NLRP7: variants seen among roughly 807,000 people sequenced by gnomAD.
The protein encoded by NLRP7 is NLR family pyrin domain containing 7.
NLRP7 carries 72 observed loss-of-function variants against 85.5 expected under a neutral mutation model. The observed-to-expected ratio is 0.84, with a 90% CI of 0.70 to 1.02. NLRP7 has a LOEUF of 1.02. NLRP7 is among the 50% of genes least tolerant of loss of function. The pLI is 0.00. For synonymous variants in NLRP7, 550 were observed against 505.2 expected, an observed-to-expected ratio of 1.09 and a Z score of -1.19; for missense variants, 1,243 against 1,219.5, an observed-to-expected ratio of 1.02 and a Z score of -0.29.
At chr19:54,955,968 AAAAT>A (rs138037990) in intron 1 of NLRP7, among the ~76,000 whole-genome samples, 5,235 of 151,746 alleles carry the variant, frequency 0.034, 288 homozygotes, top group African/African-American at 0.12. Context: ...CTGTGTCTCA[AAAAT>A]AAATAAATAA....
chr19:54,943,425 C>T (rs2069322769), intron 1 of NLRP7, among the ~76,000 whole-genome samples: 1 of 152,042 alleles, frequency 6.6e-6, no homozygotes, highest in South Asian at 2.1e-4. Context: ...CACGGTGAAA[C>T]CCCGTCTCTA....
chr19:54,939,262 T>C lies in NLRP7; in HGVS notation c.1557A>G (p.Gly519=), dbSNP rs772821750. 4 of 1,614,044 alleles carry C rather than the reference T, an allele frequency of 2.5e-6. No individual in the cohort carries two copies. The South Asian group carries it at 3.3e-5, about 13-fold the overall frequency. ...CGTTAGCGAGGCCGAATAAGAAGTG[T>C]CCTACTTGAATCAGGTCGGGGTTCT... The change falls in exon 4 of 10, where the codon GGA becomes GGG. Residue 519 remains glycine, a synonymous_variant. Coordinates refer to ENST00000340844, the Ensembl canonical transcript of NLRP7.
chr19:54,943,795 TAA>T (rs1491221665), intron 1 of NLRP7, among the ~76,000 whole-genome samples: 1 of 152,066 alleles, frequency 6.6e-6, no homozygotes, highest in Non-Finnish European at 1.5e-5. Context: ...GAAATAGACA[TAA>T]GAGACTCCAT....
intron 1 of NLRP7, among the ~76,000 whole-genome samples, chr19:54,942,284 A>T (rs1446430555): frequency 6.7e-6 from 1 of 150,196 alleles, no homozygotes; most frequent in Non-Finnish European, 1.5e-5. Context: ...AAAAAAAAGA[A>T]TACAAAGAAT....
At chr19:54,959,134 T>A (rs568228063) in intron 1 of NLRP7, among the ~76,000 whole-genome samples, 57 of 150,746 alleles carry the variant, frequency 3.8e-4, no homozygotes, top group Non-Finnish European at 8.3e-4. Flanking sequence ...CTTGTTTTTT[T>A]CTTTTTCTTT....
At chr19:54,925,286 A>G (rs2068383169) in intron 9 of NLRP7, among the ~76,000 whole-genome samples, 1 of 152,156 alleles carries the variant, frequency 6.6e-6, no homozygotes, top group Admixed American at 6.5e-5. Flanking sequence ...CGGTCCCACC[A>G]ACAAGAGAAG....
At chr19:54,947,338 A>C (rs2069518986) in intron 1 of NLRP7, 131 bp downstream of exon 1, 1 of 657,146 alleles carries the variant, frequency 1.5e-6, no homozygotes, top group Admixed American at 3.1e-5. Flanking sequence ...AAAAAAAAAA[A>C]ATCAAAGATC....
At chr19:54,935,533 T>C (rs2068876829) in intron 6 of NLRP7, among the ~76,000 whole-genome samples, 1 of 151,884 alleles carries the variant, frequency 6.6e-6, no homozygotes, top group Non-Finnish European at 1.5e-5. Flanking sequence ...CTGTCTCTAT[T>C]AAAAATACAA....
intron 1 of NLRP7, among the ~76,000 whole-genome samples, chr19:54,943,605 G>T (rs578041795): frequency 6.6e-6 from 1 of 150,502 alleles, no homozygotes; most frequent in Non-Finnish European, 1.5e-5. Flanking sequence ...CGTCTGGGTT[G>T]GGGGGGCGGG....
chr19:54,963,825 GA>G lies in NLRP7; in HGVS notation c.-77+2214del, dbSNP rs1174147459. Among the ~76,000 whole-genome samples the G allele has an allele frequency of 5.3e-4, 62 of 117,592 alleles. No homozygotes were observed. The South Asian group carries it at 7.5e-3, about 14-fold the overall frequency. 77.1% of individuals were successfully genotyped at this position (117,592 alleles called of 152,430 possible). A position where few individuals can be genotyped will look rare whatever the true frequency, so the allele number is the denominator to read the frequency against. On this transcript the variant is annotated intron_variant, in intron 1 of 2. Coordinates refer to the NLRP7 transcript ENST00000587103. ...GGCGACAGTGCCAGACTCAGTCTCA[GA>G]AAAAAAAAAAGCAAAACAAACAAAG...
intron 9 of NLRP7, among the ~76,000 whole-genome samples, chr19:54,924,212 T>C (rs954706684): frequency 2.6e-5 from 4 of 152,040 alleles, no homozygotes; most frequent in Admixed American, 2.6e-4. Flanking sequence ...AAGTGATCCA[T>C]CCACCTCGGC....
exon 4 of NLRP7, chr19:54,939,932 G>C (rs1184020112): frequency 6.2e-7 from 1 of 1,614,018 alleles, no homozygotes; most frequent in Non-Finnish European, 8.5e-7. Flanking sequence ...GACCAGCAAG[G>C]CTGCCCTGGG....
chr19:54,948,586 T>C (rs1385311835), upstream of NLRP7, among the ~76,000 whole-genome samples: 2 of 152,070 alleles, frequency 1.3e-5, no homozygotes, highest in Admixed American at 1.3e-4. Context: ...TAATTTTTTT[T>C]TTTGGATGGA....
chr19:54,942,279 AAAG>A (rs2069267499), intron 1 of NLRP7, among the ~76,000 whole-genome samples: 1 of 149,920 alleles, frequency 6.7e-6, no homozygotes, highest in African/African-American at 2.5e-5. Flanking sequence ...AAAAAAAAAA[AAAG>A]AATACAAAGA....
upstream of NLRP7, chr19:54,948,807 G>A (rs2069578927): frequency 6.6e-6 from 1 of 152,254 alleles, no homozygotes; most frequent in East Asian, 1.9e-4. Flanking sequence ...CTGATGTCAG[G>A]TGATTACAGG....
intron 1 of NLRP7, chr19:54,953,317 C>G (rs941961965): frequency 6.6e-6 from 1 of 152,180 alleles, no homozygotes; most frequent in Admixed American, 6.6e-5. Context: ...TAAGGGCTCA[C>G]AACTCTAAGG....
chr19:54,938,981 T>C (rs1054415736), exon 4 of NLRP7: 4 of 1,614,082 alleles, frequency 2.5e-6, no homozygotes, highest in African/African-American at 2.7e-5. Context: ...GTCTTGACAA[T>C]GCTTCAGGCT....
upstream of NLRP7, among the ~76,000 whole-genome samples, chr19:54,951,209 C>T (rs1370296500): frequency 6.6e-6 from 1 of 152,148 alleles, no homozygotes; most frequent in Non-Finnish European, 1.5e-5. Flanking sequence ...TCTTTCTACA[C>T]AGACACAGTT....
At chr19:54,958,279 G>A (rs188076590) in intron 1 of NLRP7, among the ~76,000 whole-genome samples, 68 of 152,218 alleles carry the variant, frequency 4.5e-4, no homozygotes, top group African/African-American at 1.6e-3. Context: ...GGAGAAGTAG[G>A]GAGAAAGAGG....
Sources: gnomAD v4.1 joint callset for allele counts (sites outside exome capture counted in the v4.1 genomes callset) on GRCh38, gnomAD v4.1.1 for gene constraint, MANE v1.5 for transcripts, NCBI Gene and HGNC (gene_info 2026-07-23, HGNC 2026-07-21) for gene names.